The following DTNB variants were observed in gnomAD, a reference collection of about 807,000 sequenced individuals.
DTNB encodes dystrobrevin beta, also known as DTN-B.
A neutral mutation model predicts 90.7 loss-of-function variants in DTNB; 63 were observed. That is an observed-to-expected ratio of 0.69 (90% CI 0.57 to 0.86). DTNB has a LOEUF of 0.86. DTNB is among the 40% of genes least tolerant of loss of function. The pLI, the probability that DTNB is intolerant of heterozygous loss-of-function variation, is 0.00. For synonymous variants in DTNB, 277 were observed against 286.7 expected, an observed-to-expected ratio of 0.97 and a Z score of 0.34; for missense variants, 744 against 807.1, an observed-to-expected ratio of 0.92 and a Z score of 0.95.
intron 10 of DTNB, among the ~76,000 whole-genome samples, chr2:25,468,956 ATATT>A (rs2062280343): frequency 1.3e-5 from 2 of 152,170 alleles, no homozygotes; most frequent in African/African-American, 4.8e-5. Context: ...CAAATAGTAA[ATATT>A]TAGTTGTACT....
At chr2:25,574,147 C>T (rs776081577) in intron 8 of DTNB, among the ~76,000 whole-genome samples, 6 of 152,274 alleles carry the variant, frequency 3.9e-5, no homozygotes, top group Admixed American at 6.5e-5. Context: ...TAGACATGTG[C>T]CAACAAGAAT....
At chr2:25,605,990 A>G (rs1320387044) in intron 5 of DTNB, among the ~76,000 whole-genome samples, 2 of 152,212 alleles carry the variant, frequency 1.3e-5, no homozygotes, top group Non-Finnish European at 2.9e-5. Flanking sequence ...ATGAAGATAA[A>G]CTGGATAACA....
chr2:25,619,187 C>T (rs1330462436), intron 4 of DTNB, among the ~76,000 whole-genome samples: 6 of 152,148 alleles, frequency 3.9e-5, no homozygotes, highest in African/African-American at 1.4e-4. Flanking sequence ...GTACTTAACA[C>T]AAGCTGTTTC....
At chr2:25,497,644 G>A (rs111381744) in intron 9 of DTNB, 2,967 of 152,340 alleles carry the variant, frequency 0.019, 41 homozygotes, top group Middle Eastern at 0.031. Flanking sequence ...TACGAGGGCA[G>A]TTGAAACAAA....
At chr2:25,601,882 G>A (rs560186217) in intron 5 of DTNB, among the ~76,000 whole-genome samples, 2 of 152,264 alleles carry the variant, frequency 1.3e-5, no homozygotes, top group East Asian at 3.9e-4. Flanking sequence ...AACACTTGGG[G>A]AGGCCAAGGC....
intron 9 of DTNB, among the ~76,000 whole-genome samples, chr2:25,526,376 TATATATATATATATATA>T (rs1412225485): frequency 2.0e-5 from 1 of 49,936 alleles, no homozygotes; most frequent in South Asian, 6.8e-4. Flanking sequence ...TATATATATA[TATATATATATATATATA>T]TATTTTTTTT....
In DTNB at chr2:25,455,485, A is replaced by G. The variant is rs2059880750; in HGVS notation, c.1089T>C (p.Tyr363=). 5 of 1,605,480 alleles carry G rather than the reference A, an allele frequency of 3.1e-6. No individual in the cohort carries two copies. The highest frequency in any genetic ancestry group is 2.2e-5 in the East Asian group (1 of 44,668). Residue 363 remains tyrosine (Y), a synonymous_variant, in exon 11 of 21, where the codon TAT becomes TAC. Coordinates refer to ENST00000406818, the MANE Select transcript of DTNB (RefSeq NM_021907.5). Reference sequence around the variant, plus strand: ...CCAAGTGACTGGGTATATCCTGGCTATACTGTAACCTAGGAACAATGGAGG... The same window carrying G: ...CCAAGTGACTGGGTATATCCTGGCTGTACTGTAACCTAGGAACAATGGAGG... ...GVPTPTKRLQ[Y]SQDIPSHLAD...
chr2:25,427,700 A>T, intron 14 of DTNB, 69 bp from the exon 15 acceptor site: 1 of 1,456,840 alleles, frequency 6.9e-7, no homozygotes, highest in Middle Eastern at 1.7e-4. Flanking sequence ...GGTGAAATGG[A>T]TTTCAGACCT....
At chr2:25,434,737 T>C (rs1452667946) in intron 12 of DTNB, among the ~76,000 whole-genome samples, 6 of 152,182 alleles carry the variant, frequency 3.9e-5, no homozygotes, top group Admixed American at 6.5e-5. Flanking sequence ...AGGAGTAAAA[T>C]TGCTGAATTA....
intron 16 of DTNB, among the ~76,000 whole-genome samples, chr2:25,415,902 A>G (rs1437485971): frequency 6.6e-6 from 1 of 152,144 alleles, no homozygotes; most frequent in Non-Finnish European, 1.5e-5. Flanking sequence ...AATCACTAGT[A>G]ATAGTGAGTA....
chr2:25,502,164 G>A (rs1346384808), intron 9 of DTNB, among the ~76,000 whole-genome samples: 1 of 151,936 alleles, frequency 6.6e-6, no homozygotes, highest in Non-Finnish European at 1.5e-5. Flanking sequence ...CAACCTGAGC[G>A]ACTGAGTGAG....
At position 25,533,940 on chromosome 2, in the gene DTNB, TTTTA is replaced by T. The variant is rs374077335; in HGVS notation, c.877-2347_877-2344del. ...GCTACACTGCAATTTTTATTTTTAT[TTTTA>T]TTTATTTATTTATTTATTTATTTAT... On this transcript the variant is annotated intron_variant, in intron 8 of 20. Transcript: ENST00000406818. 1.1e-3 allele frequency among the ~76,000 whole-genome samples: 164 copies of T among 151,268 alleles called. 1 individual carries two copies. The highest frequency in any genetic ancestry group is 7.5e-3 in the South Asian group (36 of 4,806).
intron 1 of DTNB, among the ~76,000 whole-genome samples, chr2:25,660,615 A>G (rs1053606215): frequency 2.0e-5 from 3 of 152,236 alleles, no homozygotes; most frequent in Admixed American, 6.5e-5. Context: ...CAGAAAAAAG[A>G]TATCTTACTA....
chr2:25,416,007 A>G (rs2047829849), intron 16 of DTNB, among the ~76,000 whole-genome samples: 1 of 152,222 alleles, frequency 6.6e-6, no homozygotes, highest in Admixed American at 6.5e-5. Flanking sequence ...GTTGGACAGA[A>G]GTGTGGGTAA....
chr2:25,514,673 A>G (rs931359423), intron 9 of DTNB, among the ~76,000 whole-genome samples: 1 of 150,310 alleles, frequency 6.7e-6, no homozygotes, highest in Non-Finnish European at 1.5e-5. Flanking sequence ...AACATCTTTG[A>G]AAAAAATCTT....
intron 8 of DTNB, among the ~76,000 whole-genome samples, chr2:25,575,417 AACC>A (rs1376864046): frequency 6.6e-6 from 1 of 152,058 alleles, no homozygotes; most frequent in Non-Finnish European, 1.5e-5. Context: ...GGCTCTTCAC[AACC>A]ACCACCACCA....
At chr2:25,378,979 C>T (rs1376485952) in intron 20 of DTNB, among the ~76,000 whole-genome samples, 1 of 152,172 alleles carries the variant, frequency 6.6e-6, no homozygotes, top group Non-Finnish European at 1.5e-5. Context: ...AGGGAGGTGG[C>T]CTTGCTCAGC....
intron 18 of DTNB, among the ~76,000 whole-genome samples, chr2:25,385,638 G>A (rs2039256566): frequency 6.6e-6 from 1 of 152,126 alleles, no homozygotes; most frequent in African/African-American, 2.4e-5. Context: ...CACGACCTTA[G>A]GCAGACCACT....
chr2:25,462,140 T>C (rs2061048436), intron 10 of DTNB, among the ~76,000 whole-genome samples: 1 of 152,210 alleles, frequency 6.6e-6, no homozygotes, highest in Non-Finnish European at 1.5e-5. Context: ...CCTGGGAATC[T>C]GCATTTAGAA....
Sources: gnomAD v4.1 joint callset for allele counts (sites outside exome capture counted in the v4.1 genomes callset) on GRCh38, gnomAD v4.1.1 for gene constraint, MANE v1.5 for transcripts, NCBI Gene and HGNC (gene_info 2026-07-23, HGNC 2026-07-21) for gene names.